CDH4: variants seen among roughly 807,000 people sequenced by gnomAD.
CDH4 encodes the protein cadherin 4.
Under a neutral mutation model 86.0 loss-of-function variants are expected in CDH4, and 33 were observed. The observed-to-expected ratio is 0.38, with a 90% CI of 0.29 to 0.51. The LOEUF (loss-of-function observed/expected upper bound fraction) is 0.51, where lower values mean the gene tolerates loss of function less well. CDH4 is among the 20% of genes least tolerant of loss of function. CDH4 has a pLI of 0.86. For synonymous variants in CDH4, 555 were observed against 549.4 expected, an observed-to-expected ratio of 1.01 and a Z score of -0.14; for missense variants, 1,114 against 1,307.4, an observed-to-expected ratio of 0.85 and a Z score of 2.28.
intron 8 of CDH4, among the ~76,000 whole-genome samples, chr20:61,909,140 C>T (rs1336912168): frequency 6.6e-6 from 1 of 152,224 alleles, no homozygotes; most frequent in Non-Finnish European, 1.5e-5. Context: ...TGCCAGGACA[C>T]AGGGGCTTCC....
At chr20:61,594,888 T>C (rs1237863613) in intron 2 of CDH4, among the ~76,000 whole-genome samples, 2 of 152,360 alleles carry the variant, frequency 1.3e-5, no homozygotes, top group South Asian at 2.1e-4. Flanking sequence ...TTACTTTCAT[T>C]ATCTCATGAA....
rs572607549 is a variant in CDH4, at chr20:61,329,012, C to T, written c.169+74075C>T. Among the ~76,000 whole-genome samples the T allele has an allele frequency of 1.7e-3, 260 of 152,254 alleles. 1 individual carries two copies. The highest frequency in any genetic ancestry group is 5.9e-3 in the African/African-American group (247 of 41,564). Reference sequence around the variant, plus strand: ...TAGCCTAGCCTCCCTTAACCGTGCTCGGAACACTTGCAGGATCATCAAACA... The same window carrying T: ...TAGCCTAGCCTCCCTTAACCGTGCTTGGAACACTTGCAGGATCATCAAACA... On this transcript the variant is annotated intron_variant, in intron 2 of 15. Transcript: ENST00000614565.
At chr20:61,800,195 T>G (rs1979754080) in intron 4 of CDH4, among the ~76,000 whole-genome samples, 1 of 152,198 alleles carries the variant, frequency 6.6e-6, no homozygotes, top group Admixed American at 6.5e-5. Context: ...CCAAGGGCCC[T>G]TTGTGAGTGC....
At chr20:61,324,993 C>T (rs533679503) in intron 2 of CDH4, among the ~76,000 whole-genome samples, 1 of 152,294 alleles carries the variant, frequency 6.6e-6, no homozygotes, top group South Asian at 2.1e-4. Context: ...CTGCAGGGGT[C>T]CTGGCTCCTA....
chr20:61,854,177 T>G (rs1428860504), intron 6 of CDH4, among the ~76,000 whole-genome samples: 1 of 152,084 alleles, frequency 6.6e-6, no homozygotes, highest in East Asian at 1.9e-4. Context: ...TGCATTGAAA[T>G]CTGCAGCACA....
chr20:61,441,995 A>G (rs1600684981), intron 2 of CDH4, among the ~76,000 whole-genome samples: 1 of 152,150 alleles, frequency 6.6e-6, no homozygotes, highest in South Asian at 2.1e-4. Flanking sequence ...TTCAAATCCA[A>G]TCGTTTGTAT....
intron 7 of CDH4, among the ~76,000 whole-genome samples, chr20:61,891,898 C>T (rs866137419): frequency 6.6e-6 from 1 of 152,200 alleles, no homozygotes; most frequent in Admixed American, 6.5e-5. Flanking sequence ...TGCTTGTGGC[C>T]TTGCTCTCAG....
At chr20:61,407,008 A>C (rs970031777) in intron 2 of CDH4, among the ~76,000 whole-genome samples, 2 of 139,556 alleles carry the variant, frequency 1.4e-5, no homozygotes, top group Non-Finnish European at 1.5e-5. Flanking sequence ...CTCTGCCCGG[A>C]CCACCATCTG....
At chr20:61,862,798 CTATAT>C (rs1248607665) in intron 6 of CDH4, among the ~76,000 whole-genome samples, 4 of 152,092 alleles carry the variant, frequency 2.6e-5, no homozygotes, top group Admixed American at 1.3e-4. Context: ...TGTGTGGGGC[CTATAT>C]TATAAGTTTT....
At chr20:61,359,588 G>A (rs866445184) in intron 2 of CDH4, among the ~76,000 whole-genome samples, 16 of 152,196 alleles carry the variant, frequency 1.1e-4, no homozygotes, top group Admixed American at 5.2e-4. Context: ...TCCGTGTCCC[G>A]GCCTGGCAAC....
At chr20:61,751,555 G>T (rs943308996) in intron 3 of CDH4, among the ~76,000 whole-genome samples, 4 of 151,910 alleles carry the variant, frequency 2.6e-5, no homozygotes, top group Non-Finnish European at 4.4e-5. Context: ...TGCCCAGGGT[G>T]CAGACGCTTG....
At chr20:61,412,027 C>T (rs1011889882) in intron 2 of CDH4, among the ~76,000 whole-genome samples, 4 of 152,140 alleles carry the variant, frequency 2.6e-5, no homozygotes, top group Non-Finnish European at 4.4e-5. Flanking sequence ...GGATCAAGGC[C>T]GACTCTGGAT....
intron 2 of CDH4, among the ~76,000 whole-genome samples, chr20:61,316,751 C>T (rs78580698): frequency 0.021 from 3,132 of 152,316 alleles, 92 homozygotes; most frequent in East Asian, 0.13. Flanking sequence ...TTAGAGCCGC[C>T]GCCTCTGCTT....
intron 11 of CDH4, among the ~76,000 whole-genome samples, chr20:61,925,966 C>T (rs971889667): frequency 7.2e-5 from 11 of 152,154 alleles, no homozygotes; most frequent in Admixed American, 2.0e-4. Context: ...CTGCAAGGGG[C>T]GCTGGGAAAT....
intron 2 of CDH4, among the ~76,000 whole-genome samples, chr20:61,621,025 G>A (rs1229136119): frequency 6.6e-6 from 1 of 152,230 alleles, no homozygotes; most frequent in Non-Finnish European, 1.5e-5. Context: ...ATTTATCTGT[G>A]TCCAAATAAG....
chr20:61,901,219 G>C (rs113097326), intron 8 of CDH4, among the ~76,000 whole-genome samples: 36 of 86,564 alleles, frequency 4.2e-4, no homozygotes, highest in East Asian at 8.2e-4. Flanking sequence ...GGAGCAGGAG[G>C]AGTAGGGGCA....
chr20:61,593,630 T>C (rs1449742636), intron 2 of CDH4, among the ~76,000 whole-genome samples: 1 of 152,158 alleles, frequency 6.6e-6, no homozygotes, highest in East Asian at 1.9e-4. Flanking sequence ...TTAGGACAAT[T>C]TCTAGAGATG....
intron 2 of CDH4, among the ~76,000 whole-genome samples, chr20:61,400,844 G>A (rs778707002): frequency 2.0e-5 from 3 of 152,210 alleles, no homozygotes; most frequent in Non-Finnish European, 4.4e-5. Flanking sequence ...CACCGGCCCT[G>A]CCCCCTTCCA....
rs113030377 is a variant in CDH4, at chr20:61,895,419, C to T, written c.1188+372C>T. On this transcript the variant is annotated intron_variant, in intron 8 of 15. Coordinates refer to ENST00000614565, the MANE Select transcript of CDH4 (RefSeq NM_001794.5). Reference sequence around the variant, plus strand: ...AGATGGGGCCTTGGCATGGCGGGTCCATCCCTGTGTGTGGAACTTGGCTGA... The same window carrying T: ...AGATGGGGCCTTGGCATGGCGGGTCTATCCCTGTGTGTGGAACTTGGCTGA... Among the ~76,000 whole-genome samples, 95 of 152,340 alleles carry T rather than the reference C, an allele frequency of 6.2e-4. 1 individual carries two copies. The highest frequency in any genetic ancestry group is 1.9e-3 in the African/African-American group (81 of 41,578).
Sources: gnomAD v4.1 joint callset for allele counts (sites outside exome capture counted in the v4.1 genomes callset) on GRCh38, gnomAD v4.1.1 for gene constraint, MANE v1.5 for transcripts, NCBI Gene and HGNC (gene_info 2026-07-23, HGNC 2026-07-21) for gene names.